The following NMNAT2 variants were observed in gnomAD, a reference collection of about 807,000 sequenced individuals.
NMNAT2 encodes the protein nicotinamide nucleotide adenylyltransferase 2, also known as nicotinamide/nicotinic acid mononucleotide adenylyltransferase 2.
Under a neutral mutation model 41.6 loss-of-function variants are expected in NMNAT2, and 11 were observed. The ratio of observed to expected loss-of-function variants is 0.26; its 90% confidence interval spans 0.17 to 0.44. The LOEUF (loss-of-function observed/expected upper bound fraction) is 0.44, where lower values mean the gene tolerates loss of function less well. NMNAT2 is among the 20% of genes least tolerant of loss of function. The pLI is 1.00. For missense variants in NMNAT2, 288 were observed against 407.7 expected (o/e 0.71, Z 2.53); for synonymous variants, 148 against 151.2 (o/e 0.98, Z 0.16).
Position 183,287,080 on chromosome 1 carries a change from A to G in NMNAT2, c.322-292T>C, listed in dbSNP as rs569533248. ...GTTATTTCATCGCTCCTGAACCTCAAATCAGGAGTCTAACCATATATCTGT... is the reference window on the plus strand; with the variant it reads ...GTTATTTCATCGCTCCTGAACCTCAGATCAGGAGTCTAACCATATATCTGT... On this transcript the variant is annotated intron_variant, in intron 4 of 10. Coordinates refer to ENST00000287713, the MANE Select transcript of NMNAT2 (RefSeq NM_015039.4). Among the ~76,000 whole-genome samples, 7 of 152,148 alleles carry G rather than the reference A, an allele frequency of 4.6e-5. No homozygotes were observed. The East Asian group carries it at 9.7e-4, about 21-fold the overall frequency.
chr1:183,348,633 A>G (rs1662982996), intron 1 of NMNAT2, among the ~76,000 whole-genome samples: 1 of 152,202 alleles, frequency 6.6e-6, no homozygotes, highest in African/African-American at 2.4e-5. Context: ...CTGGAACAAA[A>G]GTTCTTTCCT....
At chr1:183,319,804 T>G (rs186078826) in intron 1 of NMNAT2, among the ~76,000 whole-genome samples, 1 of 152,210 alleles carries the variant, frequency 6.6e-6, no homozygotes, top group Admixed American at 6.5e-5. Context: ...GGGTTGAGAG[T>G]GGGATGCAAC....
intron 1 of NMNAT2, among the ~76,000 whole-genome samples, chr1:183,365,467 A>G (rs79040814): frequency 0.015 from 2,216 of 152,238 alleles, 25 homozygotes; most frequent in Middle Eastern, 0.048. Context: ...TTTTAAAAAT[A>G]AGAAACAGGC....
At chr1:183,301,949 G>A (rs1661866108) in intron 1 of NMNAT2, among the ~76,000 whole-genome samples, 1 of 152,202 alleles carries the variant, frequency 6.6e-6, no homozygotes, top group Non-Finnish European at 1.5e-5. Flanking sequence ...TGTAGTCACA[G>A]CTGGAGCTGC....
chr1:183,265,208 G>C (rs999312115), intron 8 of NMNAT2, among the ~76,000 whole-genome samples: 1 of 144,534 alleles, frequency 6.9e-6, no homozygotes, highest in Middle Eastern at 3.9e-3. Context: ...CAAAGAAATG[G>C]TTTTCCTATA....
At chr1:183,335,041 A>T (rs1240260387) in intron 1 of NMNAT2, among the ~76,000 whole-genome samples, 1 of 152,238 alleles carries the variant, frequency 6.6e-6, no homozygotes. Flanking sequence ...TCAGCTCCTC[A>T]CTACATCAAT....
chr1:183,339,545 C>G (rs978844360), intron 1 of NMNAT2, among the ~76,000 whole-genome samples: 3 of 151,782 alleles, frequency 2.0e-5, no homozygotes, highest in Non-Finnish European at 4.4e-5. Context: ...AATCCCAGAG[C>G]TGAAGGTCCT....
At chr1:183,364,978 T>C (rs1663386285) in intron 1 of NMNAT2, among the ~76,000 whole-genome samples, 2 of 151,998 alleles carry the variant, frequency 1.3e-5, no homozygotes, top group African/African-American at 4.8e-5. Flanking sequence ...CAGACGAGGG[T>C]TCCCATCCAC....
intron 1 of NMNAT2, among the ~76,000 whole-genome samples, chr1:183,346,533 C>T (rs922738526): frequency 6.6e-6 from 1 of 152,186 alleles, no homozygotes; most frequent in African/African-American, 2.4e-5. Context: ...CAAAACTAAG[C>T]TGTTGATCTG....
chr1:183,391,373 A>C (rs908390047), intron 1 of NMNAT2, among the ~76,000 whole-genome samples: 2 of 151,756 alleles, frequency 1.3e-5, no homozygotes, highest in East Asian at 3.9e-4. Flanking sequence ...GGCAAGGCCA[A>C]CTCCTCCATT....
Position 183,285,246 on chromosome 1 carries a change from C to A in NMNAT2, c.449-456G>T, listed in dbSNP as rs765530373. 1.4e-4 allele frequency among the ~76,000 whole-genome samples: 22 copies of A among 152,170 alleles called. 1 individual carries two copies. The highest frequency in any genetic ancestry group is 2.9e-4 in the Non-Finnish European group (20 of 68,030). On this transcript the variant is annotated intron_variant, in intron 5 of 10. Transcript: ENST00000287713. ...TTCCATTTAAAGGGCATATAGGCTG[C>A]TGGCTTCTTTCATTTTCTATATCAT...
intron 5 of NMNAT2, among the ~76,000 whole-genome samples, chr1:183,285,349 G>T (rs1392174584): frequency 2.0e-5 from 3 of 152,104 alleles, no homozygotes; most frequent in African/African-American, 7.2e-5. Context: ...CACATCCAAG[G>T]AGATTCAGCA....
intron 1 of NMNAT2, among the ~76,000 whole-genome samples, chr1:183,307,307 CTT>C (rs35308886): frequency 8.8e-4 from 121 of 138,266 alleles, no homozygotes; most frequent in Non-Finnish European, 8.2e-4. Flanking sequence ...ACAAAGGGTT[CTT>C]TTTTTTTTTT....
At chr1:183,295,934 C>T (rs535547757) in intron 1 of NMNAT2, among the ~76,000 whole-genome samples, 66 of 152,250 alleles carry the variant, frequency 4.3e-4, no homozygotes, top group African/African-American at 1.4e-3. Flanking sequence ...CTGCAACCTC[C>T]GCCTCCCGGG....
chr1:183,288,243 C>T (rs1661444550), intron 4 of NMNAT2, among the ~76,000 whole-genome samples: 1 of 152,218 alleles, frequency 6.6e-6, no homozygotes. Flanking sequence ...CGTCAGCCCC[C>T]ATGGGCTCCT....
intron 1 of NMNAT2, among the ~76,000 whole-genome samples, chr1:183,325,733 A>G (rs1181207220): frequency 1.3e-5 from 2 of 152,248 alleles, no homozygotes; most frequent in Non-Finnish European, 2.9e-5. Context: ...TGAAAGAGCC[A>G]TAACCTTTTC....
intron 1 of NMNAT2, among the ~76,000 whole-genome samples, chr1:183,371,108 C>A (rs1220564346): frequency 6.6e-6 from 1 of 152,190 alleles, no homozygotes; most frequent in Non-Finnish European, 1.5e-5. Context: ...GTGGTATATG[C>A]GGACAGACTG....
At chr1:183,357,790 C>T (rs537584522) in intron 1 of NMNAT2, among the ~76,000 whole-genome samples, 53 of 152,148 alleles carry the variant, frequency 3.5e-4, no homozygotes, top group Non-Finnish European at 6.2e-4. Flanking sequence ...TTGTTGGCCG[C>T]GTGTATGTCT....
At chr1:183,299,808 G>A (rs1239044125) in intron 1 of NMNAT2, among the ~76,000 whole-genome samples, 1 of 152,090 alleles carries the variant, frequency 6.6e-6, no homozygotes, top group African/African-American at 2.4e-5. Flanking sequence ...ACTTGTGTTG[G>A]TTCTGTAAAT....
Sources: allele counts gnomAD v4.1 joint callset (sites outside exome capture counted in the v4.1 genomes callset), GRCh38; gene constraint gnomAD v4.1.1; transcripts MANE v1.5; gene names NCBI Gene and HGNC (gene_info 2026-07-23, HGNC 2026-07-21).